The following ZNF184 variants were observed in gnomAD, a reference collection of about 807,000 sequenced individuals.
The protein encoded by ZNF184 is zinc finger protein 184, also known as zinc finger protein 184 (Kruppel-like).
Under a neutral mutation model 54.4 loss-of-function variants are expected in ZNF184, and 16 were observed. That is an observed-to-expected ratio of 0.29 (90% CI 0.20 to 0.45). The LOEUF (loss-of-function observed/expected upper bound fraction) is 0.45, where lower values mean the gene tolerates loss of function less well. Among genes scored for constraint, ZNF184 ranks in the 20% least tolerant of loss-of-function variants. The probability of loss-of-function intolerance (pLI) is 1.00; values close to 1 mark genes in which losing one functional copy is unlikely to be tolerated. For missense variants in ZNF184, 681 were observed against 888.2 expected (o/e 0.77, Z 2.97); for synonymous variants, 254 against 295.3 (o/e 0.86, Z 1.43).
Position 27,453,321 on chromosome 6 carries a change from G to T in ZNF184, c.299-61C>A. The T allele has an allele frequency of 7.0e-7, 1 of 1,429,284 alleles. No homozygotes were observed. Among genetic ancestry groups the T allele is most frequent in the Non-Finnish European group, 9.3e-7 (1 of 1,073,540 alleles). The allele number at this position is 1,429,284 out of a possible 1,614,324, so 88.5% of individuals were successfully genotyped here. ...AGAGAAAAAATAAACTGCTATTGTGGGAATAATATAATGATACTGAAAAAT... is the reference window on the plus strand; with the variant it reads ...AGAGAAAAAATAAACTGCTATTGTGTGAATAATATAATGATACTGAAAAAT... On this transcript the variant is annotated intron_variant, in intron 5 of 5. Transcript: ENST00000683788. The surrounding 1 kb of genome is among the most constrained non-coding windows in gnomAD (Gnocchi z 4.7).
chr6:27,424,177 A>C, the ZNF184 span, among the ~76,000 whole-genome samples: 1 of 152,000 alleles, frequency 6.6e-6, no homozygotes, highest in Admixed American at 6.5e-5. Context: ...TAAGTGTTAG[A>C]GCTCTTAAGG....
At chr6:27,444,289 C>T in the ZNF184 span, among the ~76,000 whole-genome samples, 1 of 152,272 alleles carries the variant, frequency 6.6e-6, no homozygotes, top group Non-Finnish European at 1.5e-5. Context: ...TTGTTCCCTC[C>T]TATTTTAACC....
chr6:27,428,518 G>T, the ZNF184 span, among the ~76,000 whole-genome samples: 1 of 152,202 alleles, frequency 6.6e-6, no homozygotes, highest in African/African-American at 2.4e-5. The surrounding 1 kb of genome is among the most constrained non-coding windows in gnomAD (Gnocchi z 4.1). Context: ...CATGTCTGCT[G>T]AATCTCTGTA....
chr6:27,427,660 C>T, the ZNF184 span, among the ~76,000 whole-genome samples: 1 of 152,192 alleles, frequency 6.6e-6, no homozygotes, highest in Non-Finnish European at 1.5e-5. Context: ...ACCCACATTT[C>T]CAGCTACTTC....
At chr6:27,410,043 A>T in the ZNF184 span, among the ~76,000 whole-genome samples, 1 of 152,222 alleles carries the variant, frequency 6.6e-6, no homozygotes, top group African/African-American at 2.4e-5. Flanking sequence ...CGTGATGTAC[A>T]GGTTTGTAGC....
At chr6:27,432,729 C>T in the ZNF184 span, among the ~76,000 whole-genome samples, 1 of 152,336 alleles carries the variant, frequency 6.6e-6, no homozygotes, top group East Asian at 1.9e-4. This position sits in a 1 kb window ranked among gnomAD's most constrained non-coding sequence, Gnocchi z 4.0. Flanking sequence ...CTTCCAGAAC[C>T]TTGCTAGTCT....
chr6:27,438,793 C>T, the ZNF184 span, among the ~76,000 whole-genome samples: 1 of 152,046 alleles, frequency 6.6e-6, no homozygotes, highest in Non-Finnish European at 1.5e-5. Context: ...ATTTTTAGTA[C>T]TTATTCAATT....
At chr6:27,464,933 C>T (rs533607514) in intron 3 of ZNF184, among the ~76,000 whole-genome samples, 46 of 143,280 alleles carry the variant, frequency 3.2e-4, no homozygotes, top group Non-Finnish European at 6.4e-4. Context: ...AGGATAATGG[C>T]GTGAACCCAG....
chr6:27,422,139 T>A, the ZNF184 span, among the ~76,000 whole-genome samples: 4 of 9,638 alleles, frequency 4.2e-4, no homozygotes, highest in East Asian at 8.5e-3. Context: ...AGGCCGTACC[T>A]CAAAAAAAAA....
chr6:27,447,822 C>T (rs992040220), downstream of ZNF184, among the ~76,000 whole-genome samples: 1 of 152,222 alleles, frequency 6.6e-6, no homozygotes, highest in East Asian at 1.9e-4. Flanking sequence ...TCATGGGTGT[C>T]TGGCCCTTTT....
intron 3 of ZNF184, among the ~76,000 whole-genome samples, chr6:27,465,934 G>A (rs1446877934): frequency 6.6e-6 from 1 of 152,160 alleles, no homozygotes; most frequent in African/African-American, 2.4e-5. Context: ...TCCCAAAGAT[G>A]TCCATGTCCC....
At chr6:27,439,531 C>T in the ZNF184 span, among the ~76,000 whole-genome samples, 3 of 152,134 alleles carry the variant, frequency 2.0e-5, no homozygotes, top group African/African-American at 7.2e-5. Flanking sequence ...GAGGTATTGT[C>T]AAAAGGTCAA....
the ZNF184 span, among the ~76,000 whole-genome samples, chr6:27,420,612 T>C: frequency 6.6e-6 from 1 of 152,330 alleles, no homozygotes; most frequent in African/African-American, 2.4e-5. Flanking sequence ...CATACATCTA[T>C]GAGAATGGCC....
the ZNF184 span, among the ~76,000 whole-genome samples, chr6:27,415,772 A>AAG: frequency 6.6e-6 from 1 of 152,174 alleles, no homozygotes; most frequent in Non-Finnish European, 1.5e-5. Context: ...TCTGTCATAT[A>AAG]TTGGCAGTGT....
chr6:27,429,199 C>T, the ZNF184 span, among the ~76,000 whole-genome samples: 44 of 152,234 alleles, frequency 2.9e-4, no homozygotes, highest in Admixed American at 2.5e-3. Context: ...CACTTATGTA[C>T]ATGAACCTAC....
chr6:27,458,719 G>A (rs6456789), intron 3 of ZNF184, among the ~76,000 whole-genome samples: 91,724 of 151,878 alleles, frequency 0.6, 27,782 homozygotes, highest in Middle Eastern at 0.75. Flanking sequence ...CAGCAATCCC[G>A]CTAATGGGTA....
chr6:27,426,353 C>T, the ZNF184 span, among the ~76,000 whole-genome samples: 1 of 152,180 alleles, frequency 6.6e-6, no homozygotes, highest in African/African-American at 2.4e-5. The surrounding 1 kb of genome is among the most constrained non-coding windows in gnomAD (Gnocchi z 4.2). Context: ...GCAGCATCTG[C>T]GGCCTGTGCT....
the ZNF184 span, among the ~76,000 whole-genome samples, chr6:27,410,721 G>A: frequency 7.4e-4 from 113 of 152,086 alleles, no homozygotes; most frequent in African/African-American, 2.7e-3. Flanking sequence ...TAGTAGAGAC[G>A]GGGTTTCAGC....
At chr6:27,458,886 A>G (rs1169793221) in intron 3 of ZNF184, among the ~76,000 whole-genome samples, 1 of 152,240 alleles carries the variant, frequency 6.6e-6, no homozygotes, top group Non-Finnish European at 1.5e-5. Context: ...ACAAGGGAAT[A>G]CCATTCAGCC....
Sources: gnomAD v4.1 joint callset for allele counts (sites outside exome capture counted in the v4.1 genomes callset) on GRCh38, gnomAD v4.1.1 for gene constraint, Gnocchi (gnomAD v3.1) non-coding constraint, MANE v1.5 for transcripts, NCBI Gene and HGNC (gene_info 2026-07-23, HGNC 2026-07-21) for gene names.